The following SPA17 variants were observed in gnomAD, a reference collection of about 807,000 sequenced individuals.
SPA17 encodes sperm autoantigenic protein 17, also known as sperm surface protein Sp17.
Under a neutral mutation model 13.8 loss-of-function variants are expected in SPA17, and 7 were observed. The observed-to-expected ratio is 0.51, with a 90% CI of 0.29 to 0.95. SPA17 has a LOEUF of 0.95. Ranked by LOEUF, SPA17 falls within the 40% of genes least tolerant of loss-of-function variation. SPA17 has a pLI of 0.08. For synonymous variants in SPA17, 61 were observed against 59.0 expected (o/e 1.03, Z -0.16); for missense variants, 170 against 179.3 (o/e 0.95, Z 0.30).
rs1202836592 is a variant in SPA17, at chr11:124,680,422, TC to T, written c.155-965del. Among the ~76,000 whole-genome samples the T allele has an allele frequency of 5.5e-4, 83 of 152,134 alleles. 1 individual carries two copies. The highest frequency in any genetic ancestry group is 1.4e-3 in the East Asian group (7 of 5,172). On this transcript the variant is annotated intron_variant, in intron 2 of 4. Coordinates refer to ENST00000227135, the MANE Select transcript of SPA17 (RefSeq NM_017425.4). ...CAGAAACATCTGAACTGTGAAAAAC[TC>T]CAAAGGGAAAATGACGTAATTTCAT...
At chr11:124,679,139 A>G (rs1943502101) in intron 2 of SPA17, among the ~76,000 whole-genome samples, 1 of 151,786 alleles carries the variant, frequency 6.6e-6, no homozygotes, top group Non-Finnish European at 1.5e-5. Flanking sequence ...CTGTCTCAAA[A>G]AAAAAAAAAA....
At chr11:124,686,803 C>T (rs1943582520) in intron 3 of SPA17, among the ~76,000 whole-genome samples, 1 of 151,948 alleles carries the variant, frequency 6.6e-6, no homozygotes, top group African/African-American at 2.4e-5. Flanking sequence ...AAAAGTAGTG[C>T]TAAGAGAGAA....
intron 4 of SPA17, among the ~76,000 whole-genome samples, chr11:124,693,544 T>G (rs1943643749): frequency 6.6e-6 from 1 of 152,058 alleles, no homozygotes; most frequent in African/African-American, 2.4e-5. Context: ...TTTGGAAGGA[T>G]GTAGATACTC....
intron 3 of SPA17, among the ~76,000 whole-genome samples, chr11:124,686,440 A>T (rs1264946381): frequency 6.6e-6 from 1 of 152,242 alleles, no homozygotes. Context: ...AAACAAATGG[A>T]CCTAACAAAC....
chr11:124,678,460 A>G (rs1943494987), intron 2 of SPA17, among the ~76,000 whole-genome samples: 1 of 152,038 alleles, frequency 6.6e-6, no homozygotes, highest in African/African-American at 2.4e-5. Flanking sequence ...GCTGTGAGAA[A>G]CAACACCTGG....
intron 2 of SPA17, chr11:124,676,024 G>A (rs1438422333): frequency 6.6e-6 from 1 of 152,160 alleles, no homozygotes; most frequent in Non-Finnish European, 1.5e-5. Flanking sequence ...CAGAGACCCA[G>A]ATGCCCACTA....
intron 3 of SPA17, among the ~76,000 whole-genome samples, chr11:124,690,006 T>C (rs1297064114): frequency 6.6e-6 from 1 of 152,154 alleles, no homozygotes; most frequent in Non-Finnish European, 1.5e-5. Context: ...TCTTATACAC[T>C]GTTGTCAGGA....
At chr11:124,693,485 CAT>C (rs142153211) in intron 4 of SPA17, among the ~76,000 whole-genome samples, 70 of 147,664 alleles carry the variant, frequency 4.7e-4, no homozygotes, top group Middle Eastern at 3.5e-3. Context: ...AATAAAAAGA[CAT>C]ATATATATAT....
chr11:124,685,432 A>G, intron 3 of SPA17, among the ~76,000 whole-genome samples: 1 of 152,264 alleles, frequency 6.6e-6, no homozygotes, highest in Non-Finnish European at 1.5e-5. Flanking sequence ...GTCCAGGCAG[A>G]AGTTTGCTGC....
intron 2 of SPA17, among the ~76,000 whole-genome samples, chr11:124,676,673 T>C (rs1429987466): frequency 6.6e-6 from 1 of 152,250 alleles, no homozygotes; most frequent in Non-Finnish European, 1.5e-5. Context: ...AAACATTTGA[T>C]AAACTATATT....
At chr11:124,682,315 C>T (rs1943536513) in intron 3 of SPA17, among the ~76,000 whole-genome samples, 1 of 152,076 alleles carries the variant, frequency 6.6e-6, no homozygotes, top group Non-Finnish European at 1.5e-5. Context: ...CAGAGTCTCA[C>T]AGGAAACATG....
chr11:124,674,520 G>A (rs949722034), intron 1 of SPA17: 1 of 152,258 alleles, frequency 6.6e-6, no homozygotes, highest in Admixed American at 6.5e-5. Context: ...TTCATACTCA[G>A]TAGTAGCTCA....
At chr11:124,690,504 G>T (rs1209922134) in intron 3 of SPA17, among the ~76,000 whole-genome samples, 1 of 152,126 alleles carries the variant, frequency 6.6e-6, no homozygotes, top group Non-Finnish European at 1.5e-5. Flanking sequence ...TGAGAAATTG[G>T]TTAAAGGCTA....
chr11:124,674,972 G>C (rs563084108), intron 1 of SPA17: 1 of 223,624 alleles, frequency 4.5e-6, no homozygotes, highest in African/African-American at 2.3e-5. Context: ...AAAGGGTAAA[G>C]AGAGAAAAAG....
chr11:124,677,375 T>C (rs1325218053), intron 2 of SPA17, among the ~76,000 whole-genome samples: 2 of 152,218 alleles, frequency 1.3e-5, no homozygotes, highest in Non-Finnish European at 2.9e-5. Flanking sequence ...CATGTTAGTA[T>C]ATGATTTAAA....
chr11:124,674,490 C>G (rs1471609797), intron 1 of SPA17: 1 of 152,366 alleles, frequency 6.6e-6, no homozygotes, highest in East Asian at 1.9e-4. Flanking sequence ...CATTAACAGG[C>G]CAGGTCCCGG....
At position 124,694,462 on chromosome 11, in the gene SPA17, C is replaced by T. The variant is rs1213458121; in HGVS notation, c.*16C>T. 1 of 1,579,118 alleles carries T rather than the reference C, an allele frequency of 6.3e-7. No individual in the cohort carries two copies. Among genetic ancestry groups the T allele is most frequent in the Non-Finnish European group, 8.6e-7 (1 of 1,164,178 alleles). On this transcript the variant is annotated 3_prime_UTR_variant, in exon 5 of 5. Transcript: ENST00000227135. ...AAACAAGTGAGGACACTGGTTTTAC[C>T]TCCAGGAAACATGAAAAATAATCCA...
chr11:124,681,995 TA>T (rs1423084526), intron 3 of SPA17, among the ~76,000 whole-genome samples: 1 of 152,188 alleles, frequency 6.6e-6, no homozygotes, highest in African/African-American at 2.4e-5. Flanking sequence ...GGTAATGGTG[TA>T]GTTTTCTCTA....
In SPA17 at chr11:124,691,354, A is replaced by G. The variant is rs564940851; in HGVS notation, c.226-342A>G. On this transcript the variant is annotated intron_variant, in intron 3 of 4. Coordinates refer to ENST00000227135, the MANE Select transcript of SPA17 (RefSeq NM_017425.4). The stretch of plus-strand genomic sequence containing the variant: ...TAGAAACTATTGGATCCTCTTTTTT[A>G]TACTTTGTTCAGGATTCATTACATC... Among the ~76,000 whole-genome samples, 106 of 152,222 alleles carry G rather than the reference A, an allele frequency of 7.0e-4. No individual in the cohort carries two copies. The Middle Eastern group carries it at 0.027, about 39-fold the overall frequency.
Sources: allele counts gnomAD v4.1 joint callset (sites outside exome capture counted in the v4.1 genomes callset), GRCh38; gene constraint gnomAD v4.1.1; transcripts MANE v1.5; gene names NCBI Gene and HGNC (gene_info 2026-07-23, HGNC 2026-07-21).